PIP5K1C: variants seen among roughly 807,000 people sequenced by gnomAD.
The protein encoded by PIP5K1C is phosphatidylinositol-4-phosphate 5-kinase type 1 gamma, also known as phosphatidylinositol 4-phosphate 5-kinase type-1 gamma.
PIP5K1C carries 45 observed loss-of-function variants against 80.1 expected under a neutral mutation model. The ratio of observed to expected loss-of-function variants is 0.56; its 90% CI spans 0.44 to 0.72. The LOEUF (loss-of-function observed/expected upper bound fraction) is 0.72. PIP5K1C is among the 30% of genes least tolerant of loss of function. The probability of loss-of-function intolerance (pLI) is 0.00; values close to 1 mark genes in which losing one functional copy is unlikely to be tolerated. For missense variants in PIP5K1C, 753 were observed against 954.6 expected, an observed-to-expected ratio of 0.79 and a Z score of 2.78; for synonymous variants, 498 against 420.1, an observed-to-expected ratio of 1.19 and a Z score of -2.27.
intron 8 of PIP5K1C, among the ~76,000 whole-genome samples, chr19:3,649,078 C>G (rs1427141904): frequency 6.7e-6 from 1 of 148,906 alleles, no homozygotes; most frequent in East Asian, 2.0e-4. Context: ...CACACGTCCC[C>G]TGCCCAGCGC....
At chr19:3,641,191 G>A (rs2033945677) in intron 15 of PIP5K1C, among the ~76,000 whole-genome samples, 1 of 151,392 alleles carries the variant, frequency 6.6e-6, no homozygotes, top group Non-Finnish European at 1.5e-5. Flanking sequence ...CTCCAGCCTG[G>A]GCAAGAGAGC....
chr19:3,645,844 G>T (rs531040645), intron 11 of PIP5K1C, 130 bp downstream of exon 11: 7 of 777,256 alleles, frequency 9.0e-6, no homozygotes, highest in Admixed American at 5.3e-5. Context: ...CGGTCTGAGG[G>T]GGGCACAGGG....
Position 3,648,603 on chromosome 19 carries a change from G to A in PIP5K1C, c.1211+22C>T, listed in dbSNP as rs767585599. 3 of 1,603,760 alleles carry A rather than the reference G, an allele frequency of 1.9e-6. No individual in the cohort carries two copies. The African/African-American group carries it at 4.0e-5, about 21-fold the overall frequency. On this transcript the variant is annotated intron_variant, in intron 9 of 17. Coordinates refer to ENST00000335312, the MANE Select transcript of PIP5K1C (RefSeq NM_012398.3). This position sits in a 1 kb window ranked among gnomAD's most constrained non-coding sequence, Gnocchi z 4.3. ...GCAGACCCGGGGCGTCCACCTGTAG[G>A]ACTGCAGACCCGGGCACCCACCTGT...
At position 3,637,093 on chromosome 19, in the gene PIP5K1C, G is replaced by A. The variant is rs1240291025; in HGVS notation, c.1920+1791C>T. 6.2e-5 allele frequency: 80 copies of A among 1,281,176 alleles called. 1 individual carries two copies. Among genetic ancestry groups the A allele is most frequent in the South Asian group, 8.7e-5 (5 of 57,662 alleles). The allele number at this position is 1,281,176 out of a possible 1,614,324, so 79.4% of individuals were successfully genotyped here. ...TCCATGGCCCTGCGGTTCAGAGCCC[G>A]GCCCTGCAGCCACTCTGCTGACCTG... On this transcript the variant is annotated intron_variant, in intron 16 of 17. Coordinates refer to ENST00000335312, the MANE Select transcript of PIP5K1C (RefSeq NM_012398.3). The surrounding 1 kb of genome is among the most constrained non-coding windows in gnomAD (Gnocchi z 7.0).
In PIP5K1C at chr19:3,635,583, G is replaced by A. The variant is rs561541493; in HGVS notation, c.1921-2063C>T. 1.5e-3 allele frequency among the ~76,000 whole-genome samples: 230 copies of A among 152,358 alleles called. 1 individual carries two copies. Among genetic ancestry groups the A allele is most frequent in the African/African-American group, 5.3e-3 (219 of 41,574 alleles). The stretch of plus-strand genomic sequence containing the variant: ...GCCTGTAATCCCAGCAACTCGGGAG[G>A]CTGAGGCAGAAGAATCGCTTGAACC... On this transcript the variant is annotated intron_variant, in intron 16 of 17. Coordinates refer to ENST00000335312, the MANE Select transcript of PIP5K1C (RefSeq NM_012398.3).
intron 1 of PIP5K1C, among the ~76,000 whole-genome samples, 193 bp from the exon 2 acceptor site, chr19:3,667,546 T>C (rs1256947666): frequency 6.6e-6 from 1 of 152,178 alleles, no homozygotes; most frequent in African/African-American, 2.4e-5. Flanking sequence ...TGGGGGCCAC[T>C]GGGGCCTGCC....
chr19:3,675,307 C>A (rs2035325475), intron 1 of PIP5K1C, among the ~76,000 whole-genome samples: 1 of 152,134 alleles, frequency 6.6e-6, no homozygotes, highest in African/African-American at 2.4e-5. Context: ...AAAAGCATTG[C>A]CCAGTGACAT....
At position 3,635,981 on chromosome 19, in the gene PIP5K1C, A is replaced by AC. The variant is rs1477260361; in HGVS notation, c.1921-2462_1921-2461insG. 1.4e-4 allele frequency among the ~76,000 whole-genome samples: 21 copies of AC among 151,550 alleles called. No individual in the cohort carries two copies. In the East Asian group the frequency reaches 3.3e-3, roughly 24 times the overall value. ...GGCGACAGAACGAGACTCTGTCTCAAAAAACAAACAAACAAAAAACTCAAA... is the reference window on the plus strand; with the variant it reads ...GGCGACAGAACGAGACTCTGTCTCAACAAAACAAACAAACAAAAAACTCAAA... On this transcript the variant is annotated intron_variant, in intron 16 of 17. Coordinates refer to ENST00000335312, the MANE Select transcript of PIP5K1C (RefSeq NM_012398.3).
chr19:3,675,872 C>T (rs954854598), intron 1 of PIP5K1C, among the ~76,000 whole-genome samples: 2 of 152,242 alleles, frequency 1.3e-5, no homozygotes, highest in Non-Finnish European at 2.9e-5. Context: ...CCACAGATGT[C>T]TCCAGACATG....
At chr19:3,678,415 T>G in intron 1 of PIP5K1C, among the ~76,000 whole-genome samples, 2 of 77,676 alleles carry the variant, frequency 2.6e-5, no homozygotes, top group Non-Finnish European at 5.1e-5. Flanking sequence ...GATGGAGTGA[T>G]GAAGGATGGA....
chr19:3,682,740 G>C (rs1280166755), intron 1 of PIP5K1C, among the ~76,000 whole-genome samples: 1 of 152,060 alleles, frequency 6.6e-6, no homozygotes, highest in Non-Finnish European at 1.5e-5. Context: ...CTTGGAAGCG[G>C]CTCCTCCAGC....
chr19:3,654,590 C>T (rs1246362452), intron 6 of PIP5K1C, among the ~76,000 whole-genome samples: 3 of 152,174 alleles, frequency 2.0e-5, no homozygotes, highest in East Asian at 3.9e-4. Context: ...CCGAGGCGGG[C>T]GGATCACCTG....
intron 1 of PIP5K1C, among the ~76,000 whole-genome samples, chr19:3,693,167 G>A (rs1017356595): frequency 6.6e-6 from 1 of 152,092 alleles, no homozygotes; most frequent in Non-Finnish European, 1.5e-5. Flanking sequence ...CACAGCACAC[G>A]CAGGAAAGCA....
At position 3,656,519 on chromosome 19, in the gene PIP5K1C, G is replaced by A. The variant is rs1316234486; in HGVS notation, c.507C>T (p.Asn169=). Residue 169 remains asparagine, a synonymous_variant, in exon 6 of 18, where the codon AAC becomes AAT. Coordinates refer to ENST00000335312, the MANE Select transcript of PIP5K1C (RefSeq NM_012398.3). ...LCNEPLIELS[N]PGASGSLFYV... ...AGAAGAGGGAGCCACTGGCGCCCGG[G>A]TTGGACAGCTCGATCAGCGGCTCAT... is the stretch of plus-strand genomic sequence containing the variant. 1 of 1,613,790 alleles carries A rather than the reference G, an allele frequency of 6.2e-7. No individual in the cohort carries two copies. The highest frequency in any genetic ancestry group is 8.5e-7 in the Non-Finnish European group (1 of 1,180,038).
Position 3,641,697 on chromosome 19 carries a change from G to T in PIP5K1C, c.1787+8C>A. 6.2e-7 allele frequency: 1 copy of T among 1,603,426 alleles called. No homozygotes were observed. Among genetic ancestry groups the T allele is most frequent in the Admixed American group, 1.7e-5 (1 of 60,016 alleles). On this transcript the variant is annotated splice_region_variant and intron_variant, in intron 15 of 17. Coordinates refer to ENST00000335312, the MANE Select transcript of PIP5K1C (RefSeq NM_012398.3). ...GGCGCCCCGACCTCCCGCCGAGGCC[G>T]TGCTCACCCTGCGTCCTCCTCTTTG... is the stretch of plus-strand genomic sequence containing the variant.
At chr19:3,645,152 C>T (rs894930073) in intron 11 of PIP5K1C, among the ~76,000 whole-genome samples, 1 of 152,234 alleles carries the variant, frequency 6.6e-6, no homozygotes, top group Non-Finnish European at 1.5e-5. Context: ...GCGCTGGGCA[C>T]TGGCGTGCCT....
intron 10 of PIP5K1C, among the ~76,000 whole-genome samples, chr19:3,646,876 G>T (rs2034239620): frequency 6.6e-6 from 1 of 152,118 alleles, no homozygotes; most frequent in Non-Finnish European, 1.5e-5. Flanking sequence ...CGGATGGGAG[G>T]AAGGCTGGGA....
intron 10 of PIP5K1C, 48 bp downstream of exon 10, chr19:3,647,290 G>T (rs1568320675): frequency 7.0e-7 from 1 of 1,422,500 alleles, no homozygotes; most frequent in Admixed American, 2.1e-5. Context: ...GCACTCACAG[G>T]AGGAGGAGGG....
In PIP5K1C at chr19:3,637,323, C is replaced by A. The variant is rs1417040091; in HGVS notation, c.1920+1561G>T. ...CTGCCCTATGGAGCGCCCGGTTCGA[C>A]GTGGGACCGAATGACATTCCCAGTG... On this transcript the variant is annotated intron_variant, in intron 16 of 17. Transcript: ENST00000335312. The surrounding 1 kb of genome is among the most constrained non-coding windows in gnomAD (Gnocchi z 7.0). 6.5e-7 allele frequency: 1 copy of A among 1,529,386 alleles called. No homozygotes were observed. The highest frequency in any genetic ancestry group is 8.7e-7 in the Non-Finnish European group (1 of 1,143,466). 94.7% of individuals were successfully genotyped at this position (1,529,386 alleles called of 1,614,324 possible).
Sources: gnomAD v4.1 joint callset for allele counts (sites outside exome capture counted in the v4.1 genomes callset) on GRCh38, gnomAD v4.1.1 for gene constraint, Gnocchi (gnomAD v3.1) non-coding constraint, MANE v1.5 for transcripts, NCBI Gene and HGNC (gene_info 2026-07-23, HGNC 2026-07-21) for gene names.